The following CIC variants were observed in gnomAD, a reference collection of about 807,000 sequenced individuals.
The protein encoded by CIC is capicua transcriptional repressor.
Under a neutral mutation model 115.7 loss-of-function variants are expected in CIC, and 18 were observed. The observed-to-expected ratio is 0.16, with a 90% CI of 0.11 to 0.23. The LOEUF (loss-of-function observed/expected upper bound fraction) is 0.23, where lower values mean the gene tolerates loss of function less well. CIC is among the 10% of genes least tolerant of loss of function. The pLI, the probability that CIC is intolerant of heterozygous loss-of-function variation, is 1.00. For synonymous variants in CIC, 1,076 were observed against 923.0 expected (o/e 1.17, Z -3.01); for missense variants, 2,000 against 2,159.3 (o/e 0.93, Z 1.46).
At position 42,292,153 on chromosome 19, in the gene CIC, C is replaced by T; in HGVS notation, c.5681C>T (p.Thr1894Ile). 3 of 1,614,080 alleles carry T rather than the reference C, an allele frequency of 1.9e-6. No individual in the cohort carries two copies. The highest frequency in any genetic ancestry group is 1.7e-6 in the Non-Finnish European group (2 of 1,180,024). Residue 1894 changes from threonine to isoleucine, a missense_variant, in exon 13 of 21, where the codon ACA becomes ATA. Transcript: ENST00000681038. ...SGLVPPLSPA[T>I]LPGPTSQPQK... The stretch of plus-strand genomic sequence containing the variant: ...CTGGTGCCGCCCCTGAGCCCAGCCA[C>T]ACTCCCTGGACCCACCTCTCAGCCT...
chr19:42,272,460 G>A lies in CIC; in HGVS notation c.677G>A (p.Arg226Gln), dbSNP rs1237739732. Residue 226 changes from arginine (R) to glutamine (Q), a missense_variant, in exon 2 of 21, where the codon CGA becomes CAA. Coordinates refer to ENST00000681038, the MANE Select transcript of CIC (RefSeq NM_001386298.1). The part of the protein sequence containing the change: ...FLPAVVRQVR[R>Q]SQDLGVQFPG... ...CCGGCTGTGGTGCGCCAGGTGCGCC[G>A]AAGCCAGGACCTGGGCGTGCAGTTC... 5 of 398,410 alleles carry A rather than the reference G, an allele frequency of 1.3e-5. No homozygotes were observed. Among genetic ancestry groups the A allele is most frequent in the East Asian group, 3.6e-5 (1 of 28,080 alleles). The allele number at this position is 398,410 out of a possible 1,614,324, so 24.7% of individuals were successfully genotyped here. A position where few individuals can be genotyped will look rare whatever the true frequency, so the allele number is the denominator to read the frequency against.
Position 42,285,394 on chromosome 19 carries a change from G to A in CIC, c.2795-1377G>A, listed in dbSNP as rs537342106. 2.0e-4 allele frequency among the ~76,000 whole-genome samples: 30 copies of A among 152,284 alleles called. No individual in the cohort carries two copies. In the South Asian group the frequency reaches 5.8e-3, roughly 29 times the overall value. ...CTAAGTCCCTGGAGGCTTTTATATGGGGTTGGAGGGCCCAGCGGGTTTTCA... is the reference window on the plus strand; with the variant it reads ...CTAAGTCCCTGGAGGCTTTTATATGAGGTTGGAGGGCCCAGCGGGTTTTCA... On this transcript the variant is annotated intron_variant, in intron 2 of 20. Coordinates refer to ENST00000681038, the MANE Select transcript of CIC (RefSeq NM_001386298.1).
chr19:42,291,641 G>T lies in CIC; in HGVS notation c.5509G>T (p.Ala1837Ser). 1.9e-6 allele frequency: 3 copies of T among 1,612,462 alleles called. No homozygotes were observed. The highest frequency in any genetic ancestry group is 1.8e-4 in the Middle Eastern group (1 of 5,668). ...LPGKVLVPLA[A>S]PSMSVRGGGA... ...TGGGAAGGTCCTAGTGCCTCTGGCC[G>T]CCCCTAGCATGTCAGTGCGGGGTGG... Residue 1837 changes from alanine (A) to serine (S), a missense_variant, in exon 12 of 21, where the codon GCC (alanine) becomes TCC (serine). By Grantham distance (99) the Ala-to-Ser change is moderately conservative. Around this residue, in one of 8 missense-constraint regions of CIC, gnomAD observed 1,466 missense variants for 1,390.4 expected, o/e 1.05. Transcript: ENST00000681038.
rs1332402781 is a variant in CIC, at chr19:42,295,606, T to G, written c.*415T>G. 8.3e-6 allele frequency: 2 copies of G among 241,476 alleles called. No individual in the cohort carries two copies. The highest frequency in any genetic ancestry group is 1.6e-5 in the Non-Finnish European group (2 of 123,532). 15.0% of individuals were successfully genotyped at this position (241,476 alleles called of 1,614,324 possible). A position where few individuals can be genotyped will look rare whatever the true frequency, so the allele number is the denominator to read the frequency against. ...AGGTTAGTTTGGGGGTGGGGGCTCC[T>G]GCACTTTGCCACAGGCACGGGGAGG... On this transcript the variant is annotated 3_prime_UTR_variant, in exon 21 of 21. Coordinates refer to ENST00000681038, the MANE Select transcript of CIC (RefSeq NM_001386298.1).
chr19:42,288,120 G>T (rs1269783004), intron 7 of CIC, 145 bp downstream of exon 7: 19 of 888,356 alleles, frequency 2.1e-5, no homozygotes, highest in Non-Finnish European at 3.3e-5. Context: ...AAAGGAACCG[G>T]CAGTTGATTC....
chr19:42,288,864 A>G (rs867570278), intron 7 of CIC, 24 bp from the exon 8 acceptor site: 3 of 1,610,236 alleles, frequency 1.9e-6, no homozygotes, highest in Non-Finnish European at 2.5e-6. Flanking sequence ...ACTGACTGTC[A>G]TAGCGCCACT....
At position 42,287,793 on chromosome 19, in the gene CIC, C is replaced by T. The variant is rs761923279; in HGVS notation, c.3493-17C>T. 9 of 1,613,904 alleles carry T rather than the reference C, an allele frequency of 5.6e-6. No individual in the cohort carries two copies. The East Asian group carries it at 2.0e-4, about 36-fold the overall frequency. Reference sequence around the variant, plus strand: ...TGGGGTGGGTGAGTGAAGGGTTGCCCTGCCCTCTCCTGCCAGGTGAAGGAG... The same window carrying T: ...TGGGGTGGGTGAGTGAAGGGTTGCCTTGCCCTCTCCTGCCAGGTGAAGGAG... On this transcript the variant is annotated splice_polypyrimidine_tract_variant and intron_variant, in intron 6 of 20. Coordinates refer to ENST00000681038, the MANE Select transcript of CIC (RefSeq NM_001386298.1). This position sits in a 1 kb window ranked among gnomAD's most constrained non-coding sequence, Gnocchi z 8.7.
At chr19:42,276,573 G>A (rs575695886) in intron 2 of CIC, among the ~76,000 whole-genome samples, 4 of 152,286 alleles carry the variant, frequency 2.6e-5, no homozygotes, top group Admixed American at 6.5e-5. Context: ...ACAGGGACAC[G>A]GGTTATGCCT....
chr19:42,287,382 A>G lies in CIC; in HGVS notation c.3242A>G (p.Gln1081Arg). 6.2e-7 allele frequency: 1 copy of G among 1,614,096 alleles called. No homozygotes were observed. The highest frequency in any genetic ancestry group is 8.5e-7 in the Non-Finnish European group (1 of 1,180,018). ...CTACCGCCCGGAAAACGTCGGACCCAGTCCCTCAGTGCCCTACCCAAGGAA... is the reference window on the plus strand; with the variant it reads ...CTACCGCCCGGAAAACGTCGGACCCGGTCCCTCAGTGCCCTACCCAAGGAA... ...LPLPPGKRRTQSLSALPKERD... is the reference protein window; with the variant it reads ...LPLPPGKRRTRSLSALPKERD... The change falls in exon 5 of 21, where the codon CAG becomes CGG. Residue 1081 changes from glutamine to arginine, a missense_variant. Coordinates refer to ENST00000681038, the MANE Select transcript of CIC (RefSeq NM_001386298.1). The surrounding 1 kb of genome is among the most constrained non-coding windows in gnomAD (Gnocchi z 8.7).
chr19:42,280,461 C>T lies in CIC; in HGVS notation c.2794+5884C>T, dbSNP rs1256905528. ...CCGCGCGCCCCTGGGTGCAGACCTCCTGTGTCGGGCCTCCGTCCTTCTCAT... is the reference window on the plus strand; with the variant it reads ...CCGCGCGCCCCTGGGTGCAGACCTCTTGTGTCGGGCCTCCGTCCTTCTCAT... On this transcript the variant is annotated intron_variant, in intron 2 of 20. Transcript: ENST00000681038. This position sits in a 1 kb window ranked among gnomAD's most constrained non-coding sequence, Gnocchi z 4.9. 2.0e-5 allele frequency among the ~76,000 whole-genome samples: 3 copies of T among 152,162 alleles called. No individual in the cohort carries two copies. Among genetic ancestry groups the T allele is most frequent in the South Asian group, 4.1e-4 (2 of 4,828 alleles).
At chr19:42,290,170 A>AG in intron 10 of CIC, 63 bp from the exon 11 acceptor site, 1 of 1,606,612 alleles carries the variant, frequency 6.2e-7, no homozygotes, top group East Asian at 2.2e-5. Flanking sequence ...GGGCATGGCT[A>AG]GGGGGCTGCT....
chr19:42,281,916 G>T (rs1429674497), intron 2 of CIC, among the ~76,000 whole-genome samples: 2 of 152,216 alleles, frequency 1.3e-5, no homozygotes, highest in East Asian at 3.8e-4. Context: ...TCGGGGATCT[G>T]GGGGGCAGAG....
intron 2 of CIC, among the ~76,000 whole-genome samples, chr19:42,277,977 T>A (rs1487259143): frequency 6.6e-6 from 1 of 152,210 alleles, no homozygotes; most frequent in East Asian, 1.9e-4. Flanking sequence ...TGTTCAGTGG[T>A]ATAGTGAGGT....
At chr19:42,284,752 C>T (rs1487928883) in intron 2 of CIC, 1 of 1,557,312 alleles carries the variant, frequency 6.4e-7, no homozygotes. Context: ...GCGCGGCCTC[C>T]CGTGGCCTCG....
Position 42,287,562 on chromosome 19 carries a change from C to T in CIC, c.3327C>T (p.Ile1109=). The T allele has an allele frequency of 6.2e-7, 1 of 1,613,576 alleles. No homozygotes were observed. Among genetic ancestry groups the T allele is most frequent in the South Asian group, 1.1e-5 (1 of 91,084 alleles). ...TAATGCAGCGGGAGAAGGACCACAT[C>T]CGGCGGCCCATGAATGCCTTCATGA... ...RSPNKREKDH[I]RRPMNAFMIF... Residue 1109 remains isoleucine, a synonymous_variant, in exon 6 of 21, where the codon ATC becomes ATT. Coordinates refer to ENST00000681038, the MANE Select transcript of CIC (RefSeq NM_001386298.1). The surrounding 1 kb of genome is among the most constrained non-coding windows in gnomAD (Gnocchi z 8.7).
rs2036828059 is a variant in CIC, at chr19:42,272,534, G to C, written c.751G>C (p.Val251Leu). ...TFYEGVPGAG[V>L]DVVLDATPPP... The stretch of plus-strand genomic sequence containing the variant: ...CTATGAGGGGGTGCCAGGCGCTGGT[G>C]TGGATGTAGTTTTGGATGCCACACC... The change falls in exon 2 of 21, where the codon GTG becomes CTG. Residue 251 changes from valine (V) to leucine (L), a missense_variant. Physicochemically the swap from Val to Leu is conservative, Grantham distance 32. Transcript: ENST00000681038. 1 of 398,626 alleles carries C rather than the reference G, an allele frequency of 2.5e-6. No individual in the cohort carries two copies. The highest frequency in any genetic ancestry group is 4.4e-6 in the Non-Finnish European group (1 of 226,040). The allele number at this position is 398,626 out of a possible 1,614,324, so 24.7% of individuals were successfully genotyped here. A position where few individuals can be genotyped will look rare whatever the true frequency, so the allele number is the denominator to read the frequency against.
intron 16 of CIC, 73 bp from the exon 17 acceptor site, chr19:42,293,519 A>T: frequency 6.2e-7 from 1 of 1,608,842 alleles, no homozygotes; most frequent in Admixed American, 1.7e-5. Flanking sequence ...CTCAGATCCA[A>T]CTCTTTGTTT....
At position 42,287,900 on chromosome 19, in the gene CIC, C is replaced by T; in HGVS notation, c.3583C>T (p.Leu1195=). ...KSSSEAKPTS[L]GLAGGHKETR... is the part of the protein sequence containing the mutation. ...CAGCTCAGAGGCCAAGCCCACGAGC[C>T]TGGGGCTGGCAGGAGGGCACAAGGA... is the stretch of plus-strand genomic sequence containing the variant. Residue 1195 remains leucine, a synonymous_variant, in exon 7 of 21, where the codon CTG becomes TTG. Coordinates refer to ENST00000681038, the MANE Select transcript of CIC (RefSeq NM_001386298.1). This position sits in a 1 kb window ranked among gnomAD's most constrained non-coding sequence, Gnocchi z 8.7. 2 of 1,610,308 alleles carry T rather than the reference C, an allele frequency of 1.2e-6. No individual in the cohort carries two copies. Among genetic ancestry groups the T allele is most frequent in the Non-Finnish European group, 8.5e-7 (1 of 1,178,346 alleles).
In CIC at chr19:42,293,223, GC is replaced by G; in HGVS notation, c.6470del (p.Pro2157HisfsTer54). ...ACCTGGACTCCCACGGCCCGGAGCA[GC>G]CCCCCACTGCCCCCACCTGCTGAGG... is the stretch of plus-strand genomic sequence containing the variant. ...PETWTPTARS[S>X]PPLPPPAEER... is the part of the protein sequence containing the mutation. On this transcript the variant is annotated frameshift_variant, in exon 16 of 21. Transcript: ENST00000681038. LOFTEE classifies it high-confidence loss of function. The G allele has an allele frequency of 6.3e-7, 1 of 1,594,990 alleles. No homozygotes were observed. The highest frequency in any genetic ancestry group is 2.3e-5 in the East Asian group (1 of 43,762).
Sources: allele counts gnomAD v4.1 joint callset (sites outside exome capture counted in the v4.1 genomes callset), GRCh38; gene constraint gnomAD v4.1.1; regional missense constraint gnomAD v4.1.1; non-coding constraint Gnocchi (gnomAD v3.1); transcripts MANE v1.5; gene names NCBI Gene and HGNC (gene_info 2026-07-23, HGNC 2026-07-21).